LRRK1: variants seen among roughly 807,000 people sequenced by gnomAD.
The protein encoded by LRRK1 is leucine-rich repeat serine/threonine-protein kinase 1.
LRRK1 carries 113 observed loss-of-function variants against 209.1 expected under a neutral mutation model. The observed-to-expected ratio is 0.54, with a 90% confidence interval of 0.46 to 0.63. The LOEUF (loss-of-function observed/expected upper bound fraction) is 0.63. LRRK1 is among the 30% of genes least tolerant of loss of function. The pLI, the probability that LRRK1 is intolerant of heterozygous loss-of-function variation, is 0.00. For synonymous variants in LRRK1, 1,144 were observed against 1,099.7 expected, an observed-to-expected ratio of 1.04 and a Z score of -0.80; for missense variants, 2,284 against 2,632.2, an observed-to-expected ratio of 0.87 and a Z score of 2.89.
At chr15:101,052,001 C>G in intron 24 of LRRK1, 41 bp downstream of exon 24, 1 of 1,592,142 alleles carries the variant, frequency 6.3e-7, no homozygotes, top group Non-Finnish European at 8.6e-7. Flanking sequence ...GTGCAGGTCA[C>G]AGGGGGCGTT....
chr15:101,034,352 T>C (rs2034411529), intron 20 of LRRK1, among the ~76,000 whole-genome samples: 5 of 152,290 alleles, frequency 3.3e-5, no homozygotes, highest in Middle Eastern at 6.8e-3. Context: ...CTGAAGTGCT[T>C]ACCCTGTTTT....
chr15:100,927,597 G>T (rs1188261264), intron 2 of LRRK1, among the ~76,000 whole-genome samples: 1 of 152,198 alleles, frequency 6.6e-6, no homozygotes, highest in East Asian at 1.9e-4. Flanking sequence ...AATGAGGGAG[G>T]TGTTTGTGCA....
At chr15:100,948,887 A>C (rs974740900) in intron 2 of LRRK1, among the ~76,000 whole-genome samples, 1 of 152,194 alleles carries the variant, frequency 6.6e-6, no homozygotes, top group Non-Finnish European at 1.5e-5. Context: ...GCTCAGAGTA[A>C]AATTTATAGC....
chr15:100,942,607 A>G (rs1281388278), intron 2 of LRRK1, among the ~76,000 whole-genome samples: 3 of 152,378 alleles, frequency 2.0e-5, no homozygotes, highest in Admixed American at 1.3e-4. Flanking sequence ...CATCAAAATT[A>G]AAGCTGTTTA....
At chr15:100,944,250 C>T (rs1168475105) in intron 2 of LRRK1, among the ~76,000 whole-genome samples, 1 of 152,182 alleles carries the variant, frequency 6.6e-6, no homozygotes, top group Non-Finnish European at 1.5e-5. Flanking sequence ...GCACCATACA[C>T]AAGCAGGCTT....
At chr15:100,971,772 C>T (rs1172344793) in intron 2 of LRRK1, among the ~76,000 whole-genome samples, 1 of 152,110 alleles carries the variant, frequency 6.6e-6, no homozygotes, top group Non-Finnish European at 1.5e-5. Context: ...TGTTCGTCCT[C>T]CCTGCTCCGA....
intron 2 of LRRK1, among the ~76,000 whole-genome samples, chr15:100,963,850 C>T (rs1346660905): frequency 6.6e-6 from 1 of 152,192 alleles, no homozygotes; most frequent in African/African-American, 2.4e-5. Context: ...ATGTTATAAG[C>T]CTTTCAATGT....
intron 12 of LRRK1, among the ~76,000 whole-genome samples, chr15:101,016,628 C>T (rs1466429575): frequency 1.3e-5 from 2 of 152,076 alleles, no homozygotes; most frequent in African/African-American, 4.8e-5. Context: ...TGGTGGGGGG[C>T]GGGGGACACA....
intron 3 of LRRK1, among the ~76,000 whole-genome samples, chr15:100,977,320 C>G (rs1316635770): frequency 6.6e-6 from 1 of 152,126 alleles, no homozygotes; most frequent in Non-Finnish European, 1.5e-5. Flanking sequence ...AATATACTTG[C>G]AGCCCAGCCC....
At position 101,015,407 on chromosome 15, in the gene LRRK1, G is replaced by A. The variant is rs1567233958; in HGVS notation, c.1609+5G>A. The A allele has an allele frequency of 6.2e-7, 1 of 1,610,434 alleles. No homozygotes were observed. The highest frequency in any genetic ancestry group is 1.3e-5 in the African/African-American group (1 of 74,976). On this transcript the variant is annotated splice_donor_5th_base_variant and intron_variant, in intron 12 of 33. Transcript: ENST00000388948. ...AGCGCTCCGGGACTGAGGCAGGTGTGTGTGGGTTGGGAGACGGTGTTCCCA... is the reference window on the plus strand; with the variant it reads ...AGCGCTCCGGGACTGAGGCAGGTGTATGTGGGTTGGGAGACGGTGTTCCCA...
intron 20 of LRRK1, among the ~76,000 whole-genome samples, chr15:101,036,524 C>T (rs984657360): frequency 6.6e-6 from 1 of 151,830 alleles, no homozygotes; most frequent in African/African-American, 2.4e-5. Flanking sequence ...TTTCTGATTT[C>T]TTTGTATTTT....
chr15:101,006,802 G>T (rs1324391777), intron 6 of LRRK1, among the ~76,000 whole-genome samples: 2 of 152,234 alleles, frequency 1.3e-5, no homozygotes, highest in East Asian at 3.8e-4. Flanking sequence ...GTGAGTCGAG[G>T]TGGAGAGTGC....
At chr15:100,975,608 A>G (rs532296511) in intron 3 of LRRK1, among the ~76,000 whole-genome samples, 2 of 152,360 alleles carry the variant, frequency 1.3e-5, no homozygotes, top group African/African-American at 2.4e-5. Context: ...AGTGAGGAAA[A>G]GGATGGATAC....
chr15:100,995,060 CTTG>C (rs2032337682), intron 6 of LRRK1, among the ~76,000 whole-genome samples: 1 of 152,158 alleles, frequency 6.6e-6, no homozygotes, highest in Non-Finnish European at 1.5e-5. Context: ...TGGCTGTGAC[CTTG>C]TTGAAGTAAC....
At chr15:100,957,488 T>C (rs957956997) in intron 2 of LRRK1, among the ~76,000 whole-genome samples, 2 of 150,928 alleles carry the variant, frequency 1.3e-5, no homozygotes, top group African/African-American at 4.9e-5. Flanking sequence ...GTTAGGTACA[T>C]ACATATTTAA....
rs534499832 is a variant in LRRK1, at chr15:101,015,262, C to T, written c.1533-64C>T. The T allele has an allele frequency of 6.2e-4, 829 of 1,332,206 alleles. 3 individuals are homozygous for T. The highest frequency in any genetic ancestry group is 8.6e-4 in the Non-Finnish European group (803 of 933,128). The allele number at this position is 1,332,206 out of a possible 1,614,324, so 82.5% of individuals were successfully genotyped here. A position where few individuals can be genotyped will look rare whatever the true frequency, so the allele number is the denominator to read the frequency against. On this transcript the variant is annotated intron_variant, in intron 11 of 33. Transcript: ENST00000388948. ...TCTCCGTGGCTTGGCATTATAACAT[C>T]ACAGCCAAAAGTAATGCTTTTGTCG...
intron 5 of LRRK1, 42 bp downstream of exon 5, chr15:100,988,855 A>G: frequency 2.0e-6 from 3 of 1,495,416 alleles, no homozygotes; most frequent in Non-Finnish European, 1.8e-6. Context: ...GACCGTGCAA[A>G]CCATCTCAGC....
rs775858117 is a variant in LRRK1 at position 101,008,878 on chromosome 15, A to G, written c.804A>G (p.Val268=). 6.2e-7 allele frequency: 1 copy of G among 1,614,170 alleles called. No homozygotes were observed. Among genetic ancestry groups the G allele is most frequent in the Admixed American group, 1.7e-5 (1 of 60,026 alleles). The part of the protein sequence containing the change: ...VKWSHLRLPW[V]DLDWLIDISC... ...GGTCCCATCTCAGACTGCCCTGGGT[A>G]GACCTAGACTGGCTCATAGACATCT... The change falls in exon 7 of 34, where the codon GTA becomes GTG. Residue 268 remains valine, a synonymous_variant. Transcript: ENST00000388948.
In LRRK1 at chr15:100,978,085, A is replaced by T. The variant is rs185011275; in HGVS notation, c.261+4118A>T. Reference sequence around the variant, plus strand: ...TTAAAAGTACAATACCTGAAATTTTAAAATTAAAAAAAAACTCAATGAATG... The same window carrying T: ...TTAAAAGTACAATACCTGAAATTTTTAAATTAAAAAAAAACTCAATGAATG... On this transcript the variant is annotated intron_variant, in intron 3 of 33. Coordinates refer to ENST00000388948, the MANE Select transcript of LRRK1 (RefSeq NM_024652.6). Among the ~76,000 whole-genome samples, 1,192 of 152,294 alleles carry T rather than the reference A, an allele frequency of 7.8e-3. 16 individuals carry two copies. The highest frequency in any genetic ancestry group is 0.028 in the African/African-American group (1,144 of 41,570).
Sources: allele counts gnomAD v4.1 joint callset (sites outside exome capture counted in the v4.1 genomes callset), GRCh38; gene constraint gnomAD v4.1.1; transcripts MANE v1.5; gene names NCBI Gene and HGNC (gene_info 2026-07-23, HGNC 2026-07-21).